FNDC3B: variants seen among roughly 807,000 people sequenced by gnomAD.
FNDC3B encodes fibronectin type III domain containing 3B.
FNDC3B carries 12 observed loss-of-function variants against 151.5 expected under a neutral mutation model. That is an observed-to-expected ratio of 0.08 (90% confidence interval 0.05 to 0.13). The LOEUF (loss-of-function observed/expected upper bound fraction) is 0.13. Ranked by LOEUF, FNDC3B falls within the 10% of genes least tolerant of loss-of-function variation. The probability of loss-of-function intolerance (pLI) is 1.00; values close to 1 mark genes in which losing one functional copy is unlikely to be tolerated. For missense variants in FNDC3B, 1,214 were observed against 1,505.3 expected, an observed-to-expected ratio of 0.81 and a Z score of 3.20; for synonymous variants, 528 against 549.0, an observed-to-expected ratio of 0.96 and a Z score of 0.54.
intron 3 of FNDC3B, among the ~76,000 whole-genome samples, chr3:172,145,246 G>C (rs955690482): frequency 3.3e-5 from 5 of 152,078 alleles, no homozygotes; most frequent in African/African-American, 1.2e-4. Context: ...TATTATTTCT[G>C]TTCCAAATTG....
intron 14 of FNDC3B, among the ~76,000 whole-genome samples, chr3:172,333,477 A>G (rs1318383900): frequency 7.3e-6 from 1 of 136,528 alleles, no homozygotes; most frequent in Non-Finnish European, 1.6e-5. Context: ...GTGTGCCACT[A>G]TGCCCGGCTA....
intron 1 of FNDC3B, among the ~76,000 whole-genome samples, chr3:172,054,379 T>A (rs1716812317): frequency 6.6e-6 from 1 of 152,200 alleles, no homozygotes. Flanking sequence ...AAATGCGTCC[T>A]TTGTTAGAAA....
chr3:172,074,033 T>C (rs915656666), intron 1 of FNDC3B, among the ~76,000 whole-genome samples: 2 of 152,198 alleles, frequency 1.3e-5, no homozygotes, highest in Admixed American at 1.3e-4. Flanking sequence ...CAACACAGGA[T>C]GAGGACTGTG....
intron 11 of FNDC3B, among the ~76,000 whole-genome samples, chr3:172,321,935 C>G (rs921633382): frequency 1.3e-5 from 2 of 152,150 alleles, no homozygotes; most frequent in African/African-American, 4.8e-5. Flanking sequence ...TACATTCCCC[C>G]ACCTTCTAGC....
chr3:172,395,534 G>T (rs1285082), intron 25 of FNDC3B, among the ~76,000 whole-genome samples: 64,582 of 151,940 alleles, frequency 0.43, 15,510 homozygotes, highest in Non-Finnish European at 0.56. Flanking sequence ...AAGAAATCAG[G>T]TTTGTCATAC....
At position 172,096,037 on chromosome 3, in the gene FNDC3B, A is replaced by G. The variant is rs567892372; in HGVS notation, c.-28-16415A>G. Among the ~76,000 whole-genome samples the G allele has an allele frequency of 1.0e-3, 153 of 152,358 alleles. 1 individual carries two copies. Among genetic ancestry groups the G allele is most frequent in the African/African-American group, 3.6e-3 (150 of 41,586 alleles). On this transcript the variant is annotated intron_variant, in intron 1 of 25. Coordinates refer to ENST00000415807, the MANE Select transcript of FNDC3B (RefSeq NM_022763.4). ...ATGTTTTCATACATTGTTCTAAAAT[A>G]TCTTAAGCCACATCGTACATATTGC...
chr3:172,282,934 T>G (rs2108820600), intron 6 of FNDC3B, among the ~76,000 whole-genome samples: 1 of 152,386 alleles, frequency 6.6e-6, no homozygotes, highest in South Asian at 2.1e-4. Context: ...ATGGGTGGTG[T>G]GCCCAGCACC....
intron 4 of FNDC3B, among the ~76,000 whole-genome samples, chr3:172,244,280 AG>A (rs1451288402): frequency 4.6e-5 from 7 of 152,226 alleles, no homozygotes; most frequent in Non-Finnish European, 1.0e-4. Flanking sequence ...TCTTTTCCTT[AG>A]TCGTCTACCA....
chr3:172,285,372 A>G (rs994169499), intron 6 of FNDC3B, among the ~76,000 whole-genome samples: 2 of 152,248 alleles, frequency 1.3e-5, no homozygotes, highest in Non-Finnish European at 2.9e-5. Context: ...TTGTTCACAC[A>G]GAAGACAAAC....
intron 1 of FNDC3B, among the ~76,000 whole-genome samples, chr3:172,063,022 T>C (rs142598594): frequency 6.6e-6 from 1 of 152,316 alleles, no homozygotes; most frequent in East Asian, 1.9e-4. Flanking sequence ...CTCTCATAGA[T>C]TTTAAGATTT....
At chr3:172,085,210 A>G (rs1334332070) in intron 1 of FNDC3B, among the ~76,000 whole-genome samples, 1 of 152,228 alleles carries the variant, frequency 6.6e-6, no homozygotes, top group African/African-American at 2.4e-5. Flanking sequence ...GATATGGCCT[A>G]CAGATTTTTT....
intron 3 of FNDC3B, among the ~76,000 whole-genome samples, chr3:172,167,884 T>G (rs1723084457): frequency 6.6e-6 from 1 of 152,210 alleles, no homozygotes; most frequent in Non-Finnish European, 1.5e-5. Flanking sequence ...CCCAAAGCCC[T>G]GCCACCGCAT....
At chr3:172,233,415 T>C (rs1237510390) in intron 4 of FNDC3B, among the ~76,000 whole-genome samples, 2 of 152,254 alleles carry the variant, frequency 1.3e-5, no homozygotes, top group Non-Finnish European at 2.9e-5. Context: ...AAATTATATA[T>C]ATTTCATTTC....
intron 12 of FNDC3B, 99 bp downstream of exon 12, chr3:172,329,175 A>G (rs1560081188): frequency 7.4e-7 from 1 of 1,346,326 alleles, no homozygotes; most frequent in Non-Finnish European, 1.0e-6. Flanking sequence ...TGCTGCCTCC[A>G]CACTAAATCA....
intron 11 of FNDC3B, among the ~76,000 whole-genome samples, chr3:172,324,512 G>A (rs1188544093): frequency 6.6e-6 from 1 of 152,180 alleles, no homozygotes; most frequent in African/African-American, 2.4e-5. Context: ...AGCACCTCAA[G>A]GTTTGTCTGC....
chr3:172,090,725 A>C (rs1160350859), intron 1 of FNDC3B, among the ~76,000 whole-genome samples: 1 of 152,174 alleles, frequency 6.6e-6, no homozygotes, highest in Non-Finnish European at 1.5e-5. Flanking sequence ...TTGAAAATCC[A>C]AAATGCTCCA....
intron 6 of FNDC3B, among the ~76,000 whole-genome samples, chr3:172,282,427 C>T (rs756979191): frequency 7.9e-5 from 12 of 152,142 alleles, no homozygotes; most frequent in South Asian, 4.1e-4. Context: ...TGACCAGACA[C>T]GATAGGGCAG....
chr3:172,286,255 T>C (rs942741842), intron 7 of FNDC3B, among the ~76,000 whole-genome samples: 31 of 152,034 alleles, frequency 2.0e-4, no homozygotes, highest in African/African-American at 3.1e-4. Context: ...ATTCTTTTTT[T>C]TCTCTCTCTT....
At chr3:172,272,347 G>A (rs550875115) in intron 6 of FNDC3B, among the ~76,000 whole-genome samples, 1 of 152,162 alleles carries the variant, frequency 6.6e-6, no homozygotes, top group Admixed American at 6.5e-5. Context: ...AGGACCTCCC[G>A]TTATGAAACC....
Sources: gnomAD v4.1 joint callset for allele counts (sites outside exome capture counted in the v4.1 genomes callset) on GRCh38, gnomAD v4.1.1 for gene constraint, MANE v1.5 for transcripts, NCBI Gene and HGNC (gene_info 2026-07-23, HGNC 2026-07-21) for gene names.